The following MYO3A variants were observed in gnomAD, a reference collection of about 807,000 sequenced individuals.
The protein encoded by MYO3A is myosin IIIA.
MYO3A carries 180 observed loss-of-function variants against 192.7 expected under a neutral mutation model. That is an observed-to-expected ratio of 0.93 (90% CI 0.83 to 1.06). The LOEUF (loss-of-function observed/expected upper bound fraction) is 1.06. Among genes scored for constraint, MYO3A ranks in the 50% least tolerant of loss-of-function variants. MYO3A has a pLI of 0.00. For missense variants in MYO3A, 1,896 were observed against 1,905.0 expected (o/e 1.00, Z 0.09); for synonymous variants, 628 against 645.3 (o/e 0.97, Z 0.41).
At chr10:26,203,314 GT>G (rs1293898611) in intron 34 of MYO3A, among the ~76,000 whole-genome samples, 12 of 152,168 alleles carry the variant, frequency 7.9e-5, no homozygotes, top group African/African-American at 7.2e-5. Flanking sequence ...CAAAAACTGA[GT>G]TTTTATCTGT....
chr10:26,049,035 C>T (rs1480132680), intron 10 of MYO3A, among the ~76,000 whole-genome samples: 1 of 152,122 alleles, frequency 6.6e-6, no homozygotes, highest in African/African-American at 2.4e-5. Context: ...GCCACGTAAC[C>T]TGAGTGTTTT....
chr10:25,988,820 G>A (rs77206806), intron 4 of MYO3A, among the ~76,000 whole-genome samples: 14,435 of 151,484 alleles, frequency 0.095, 1,194 homozygotes, highest in African/African-American at 0.22. Context: ...TTACTCTTGT[G>A]TTAACATAAT....
intron 17 of MYO3A, among the ~76,000 whole-genome samples, chr10:26,118,053 T>C (rs1022319117): frequency 2.6e-5 from 4 of 152,200 alleles, no homozygotes; most frequent in Non-Finnish European, 5.9e-5. Flanking sequence ...TGTGAGATGG[T>C]ATCTGATTGT....
intron 4 of MYO3A, among the ~76,000 whole-genome samples, chr10:25,983,433 A>G (rs1839456367): frequency 6.6e-6 from 1 of 151,576 alleles, no homozygotes; most frequent in Non-Finnish European, 1.5e-5. Context: ...TTTTTTTTGT[A>G]TTTTTAATAG....
chr10:26,088,517 G>A, intron 15 of MYO3A, 112 bp downstream of exon 15: 1 of 987,196 alleles, frequency 1.0e-6, no homozygotes, highest in Non-Finnish European at 1.6e-6. Flanking sequence ...CTTACTATAT[G>A]CAAAGCACTT....
chr10:26,209,389 TC>T lies in MYO3A; in HGVS notation c.4731-2447del, dbSNP rs548209800. 6.4e-4 allele frequency among the ~76,000 whole-genome samples: 97 copies of T among 151,938 alleles called. 2 individuals carry two copies. Among genetic ancestry groups the T allele is most frequent in the Admixed American group, 5.8e-3 (89 of 15,250 alleles). On this transcript the variant is annotated intron_variant, in intron 34 of 34. Transcript: ENST00000642920. ...ATCTTAAAAAACATCCTTGACCCAA[TC>T]CCCCCCTACAACCACCCATTTTTTC...
At chr10:26,008,929 G>C (rs113834274) in intron 6 of MYO3A, among the ~76,000 whole-genome samples, 1 of 151,508 alleles carries the variant, frequency 6.6e-6, no homozygotes, top group Non-Finnish European at 1.5e-5. Flanking sequence ...ACATGCACAC[G>C]TATGTTTATT....
chr10:26,168,988 C>T lies in MYO3A; in HGVS notation c.3274+114C>T, dbSNP rs542889041. 6.8e-6 allele frequency: 7 copies of T among 1,026,642 alleles called. No homozygotes were observed. The South Asian group carries it at 1.1e-4, about 16-fold the overall frequency. The allele number at this position is 1,026,642 out of a possible 1,614,324, so 63.6% of individuals were successfully genotyped here. On this transcript the variant is annotated intron_variant, in intron 28 of 34. Transcript: ENST00000642920. ...TGTGTTTAATTCCAGACTGTGTTGC[C>T]TTGATACTTTTGCTATATTAAATCT...
At chr10:26,064,661 G>A (rs1193201596) in intron 10 of MYO3A, among the ~76,000 whole-genome samples, 1 of 152,104 alleles carries the variant, frequency 6.6e-6, no homozygotes, top group African/African-American at 2.4e-5. Context: ...AAGAAATATA[G>A]TGGGGGGATG....
At chr10:26,125,709 T>C in intron 19 of MYO3A, 101 bp downstream of exon 19, 1 of 969,518 alleles carries the variant, frequency 1.0e-6, no homozygotes, top group East Asian at 2.6e-5. Flanking sequence ...GATGTTTCTA[T>C]AATTGATGTA....
At chr10:26,026,291 G>T in intron 9 of MYO3A, 86 bp from the exon 10 acceptor site, 1 of 1,480,370 alleles carries the variant, frequency 6.8e-7, no homozygotes, top group African/African-American at 1.4e-5. Flanking sequence ...TCACTCTCGT[G>T]TGTTAGATTA....
intron 2 of MYO3A, among the ~76,000 whole-genome samples, chr10:25,942,774 C>T (rs761551814): frequency 7.7e-6 from 1 of 129,782 alleles, no homozygotes; most frequent in Non-Finnish European, 1.6e-5. Flanking sequence ...AAATCCTTTG[C>T]TCATTTTTTA....
chr10:26,069,171 A>G (rs979781220), intron 12 of MYO3A, among the ~76,000 whole-genome samples: 3 of 152,092 alleles, frequency 2.0e-5, no homozygotes, highest in African/African-American at 7.2e-5. Flanking sequence ...CTTTAAAAGC[A>G]TATACTTAAA....
chr10:26,100,921 G>A (rs1588956049), intron 17 of MYO3A, among the ~76,000 whole-genome samples: 2 of 152,154 alleles, frequency 1.3e-5, no homozygotes, highest in South Asian at 4.1e-4. Flanking sequence ...TCTGCTTGTT[G>A]CAGAGCTGAG....
chr10:26,151,242 C>G (rs1215658520), intron 23 of MYO3A, among the ~76,000 whole-genome samples: 1 of 152,072 alleles, frequency 6.6e-6, no homozygotes, highest in Non-Finnish European at 1.5e-5. Flanking sequence ...TTTTCTCTCT[C>G]CTGGTTCTAT....
chr10:26,038,988 G>A (rs944039028), intron 10 of MYO3A, among the ~76,000 whole-genome samples: 5 of 151,930 alleles, frequency 3.3e-5, no homozygotes, highest in Admixed American at 3.3e-4. Flanking sequence ...TTACATCCCT[G>A]GGATAAATCC....
At chr10:26,134,196 T>A (rs1397414235) in intron 20 of MYO3A, among the ~76,000 whole-genome samples, 1 of 152,158 alleles carries the variant, frequency 6.6e-6, no homozygotes, top group Non-Finnish European at 1.5e-5. Flanking sequence ...CTCTTCAAAT[T>A]TTAGTAAAAT....
At position 26,173,865 on chromosome 10, in the gene MYO3A, A is replaced by T. The variant is rs1378571223; in HGVS notation, c.3601A>T (p.Lys1201Ter). 3.7e-6 allele frequency: 6 copies of T among 1,613,904 alleles called. No individual in the cohort carries two copies. Among genetic ancestry groups the T allele is most frequent in the African/African-American group, 1.3e-5 (1 of 74,938 alleles). Reference sequence around the variant, plus strand: ...GAATAATGTGTATGAGGAAGAGGTTAAGCAAGAATTCTACCTTGTAGGGCC... The same window carrying T: ...GAATAATGTGTATGAGGAAGAGGTTTAGCAAGAATTCTACCTTGTAGGGCC... Reference protein sequence around the residue: ...KMNNVYEEEVKQEFYLVGPEV... With the variant: ...KMNNVYEEEV The change falls in exon 30 of 35, where the codon AAG becomes TAG. Residue 1201 changes from lysine to a stop codon, truncating the protein, a stop_gained. Coordinates refer to ENST00000642920, the MANE Select transcript of MYO3A (RefSeq NM_017433.5). LOFTEE classifies it high-confidence loss of function.
intron 4 of MYO3A, among the ~76,000 whole-genome samples, chr10:25,979,289 T>C (rs553417210): frequency 3.0e-4 from 45 of 152,258 alleles, no homozygotes; most frequent in African/African-American, 1.1e-3. Context: ...GGTTTTTGTA[T>C]ACATACTTGT....
Sources: gnomAD v4.1 joint callset for allele counts (sites outside exome capture counted in the v4.1 genomes callset) on GRCh38, gnomAD v4.1.1 for gene constraint, MANE v1.5 for transcripts, NCBI Gene and HGNC (gene_info 2026-07-23, HGNC 2026-07-21) for gene names.